Variants in PIK3R6 observed in about 807,000 individuals in gnomAD.
PIK3R6 encodes phosphoinositide 3-kinase regulatory subunit 6.
PIK3R6 carries 91 observed loss-of-function variants against 84.9 expected under a neutral mutation model. The observed-to-expected ratio is 1.07, with a 90% CI of 0.90 to 1.28. The LOEUF (loss-of-function observed/expected upper bound fraction) is 1.28. Ranked by LOEUF, PIK3R6 falls within the 50% of genes most tolerant of loss-of-function variation. PIK3R6 has a pLI of 0.00. For synonymous variants in PIK3R6, 416 were observed against 411.4 expected (o/e 1.01, Z -0.13); for missense variants, 996 against 985.1 (o/e 1.01, Z -0.15).
intron 1 of PIK3R6, among the ~76,000 whole-genome samples, chr17:8,854,219 G>A (rs1207343567): frequency 1.3e-5 from 2 of 151,778 alleles, no homozygotes; most frequent in East Asian, 3.9e-4. Context: ...CGTGATCTTG[G>A]CTCACTGCAA....
At chr17:8,823,588 C>A in intron 13 of PIK3R6, 91 bp from the exon 14 acceptor site, 2 of 873,172 alleles carry the variant, frequency 2.3e-6, no homozygotes, top group East Asian at 5.3e-5. Context: ...CAAGCCCCTA[C>A]ATCTCTGGGA....
chr17:8,826,448 TA>T (rs879846682), intron 13 of PIK3R6, among the ~76,000 whole-genome samples: 18 of 152,066 alleles, frequency 1.2e-4, no homozygotes, highest in African/African-American at 2.4e-4. Flanking sequence ...TATGCAGCCA[TA>T]AAAAAAGAGT....
intron 1 of PIK3R6, among the ~76,000 whole-genome samples, chr17:8,861,529 C>G (rs1469235552): frequency 6.6e-6 from 1 of 152,160 alleles, no homozygotes; most frequent in African/African-American, 2.4e-5. Context: ...TTCTGAGGAG[C>G]ATGATGAAAC....
Position 8,833,541 on chromosome 17 carries a change from C to CTTT in PIK3R6, c.646-499_646-497dup, listed in dbSNP as rs3884448. 1.7e-3 allele frequency among the ~76,000 whole-genome samples: 224 copies of CTTT among 130,772 alleles called. 8 individuals are homozygous for CTTT. Among genetic ancestry groups the CTTT allele is most frequent in the East Asian group, 3.0e-3 (14 of 4,664 alleles). 85.8% of individuals were successfully genotyped at this position (130,772 alleles called of 152,430 possible). On this transcript the variant is annotated intron_variant, in intron 8 of 19. Transcript: ENST00000619866. ...TGGGAAGCCCCCCCTGAGAAAGTGA[C>CTTT]TTTTTTTTTTTTTTTTTTGAGACGG...
chr17:8,856,994 C>T (rs776500066), intron 1 of PIK3R6, among the ~76,000 whole-genome samples: 33 of 69,042 alleles, frequency 4.8e-4, no homozygotes, highest in South Asian at 8.2e-4. Flanking sequence ...CACCCTTCCC[C>T]CAGCTTTCCC....
At chr17:8,822,215 C>T (rs1336006997) in intron 16 of PIK3R6, among the ~76,000 whole-genome samples, 3 of 151,954 alleles carry the variant, frequency 2.0e-5, no homozygotes, top group Non-Finnish European at 2.9e-5. Flanking sequence ...CACTAAGGTC[C>T]CATAAGTGCT....
chr17:8,827,360 C>T, intron 12 of PIK3R6, 66 bp from the exon 13 acceptor site: 3 of 1,509,688 alleles, frequency 2.0e-6, no homozygotes, highest in Non-Finnish European at 2.7e-6. Flanking sequence ...CAGCTGCCAT[C>T]AGCCTAGGCT....
rs753432049 is a variant in PIK3R6 at position 8,835,322 on chromosome 17, G to A, written c.596C>T (p.Ala199Val). The A allele has an allele frequency of 1.2e-5, 19 of 1,603,268 alleles. No individual in the cohort carries two copies. The highest frequency in any genetic ancestry group is 9.0e-5 in the East Asian group (4 of 44,668). Reference sequence around the variant, plus strand: ...TGCGTGACAGGCCTCCCCCAGAGCCGCCTGCAGGGCGTGGGAGACCACGTG... The same window carrying A: ...TGCGTGACAGGCCTCCCCCAGAGCCACCTGCAGGGCGTGGGAGACCACGTG... ...MRHVVSHALQAALGEACHAGA... is the reference protein window; with the variant it reads ...MRHVVSHALQVALGEACHAGA... The change falls in exon 8 of 20, where the codon GCG (alanine) becomes GTG (valine). Residue 199 changes from alanine to valine, a missense_variant. By Grantham distance (64) the Ala-to-Val change is moderately conservative. Transcript: ENST00000619866.
At chr17:8,833,971 A>G (rs1427223660) in intron 8 of PIK3R6, among the ~76,000 whole-genome samples, 5 of 151,670 alleles carry the variant, frequency 3.3e-5, no homozygotes, top group Non-Finnish European at 7.4e-5. Context: ...GATGGAGACC[A>G]CGGTGAAACC....
chr17:8,849,658 G>T, intron 2 of PIK3R6, 124 bp downstream of exon 2: 1 of 1,098,386 alleles, frequency 9.1e-7, no homozygotes. Context: ...TCCCTGAATT[G>T]GGGTCTTGCA....
At chr17:8,855,013 T>G (rs1275128612) in intron 1 of PIK3R6, among the ~76,000 whole-genome samples, 1 of 152,104 alleles carries the variant, frequency 6.6e-6, no homozygotes, top group Non-Finnish European at 1.5e-5. Context: ...GCCAATATAG[T>G]GAAACCCCAT....
chr17:8,857,257 A>G (rs1036528142), intron 1 of PIK3R6, among the ~76,000 whole-genome samples: 76 of 152,314 alleles, frequency 5.0e-4, no homozygotes, highest in African/African-American at 1.8e-3. Flanking sequence ...CATCTAGGGC[A>G]GCAGCCACTC....
In PIK3R6 at chr17:8,862,721, C is replaced by T. The variant is rs1256524411; in HGVS notation, c.-92+4808G>A. ...CATGTCAGGGCTCATCTAAAAATTCCTCTCCCTCCCCCCGTAGCGCAAGAA... is the reference window on the plus strand; with the variant it reads ...CATGTCAGGGCTCATCTAAAAATTCTTCTCCCTCCCCCCGTAGCGCAAGAA... On this transcript the variant is annotated intron_variant, in intron 1 of 19. Coordinates refer to ENST00000619866, the MANE Select transcript of PIK3R6 (RefSeq NM_001010855.4). This position sits in a 1 kb window ranked among gnomAD's most constrained non-coding sequence, Gnocchi z 4.3. Among the ~76,000 whole-genome samples, 1 of 152,068 alleles carries T rather than the reference C, an allele frequency of 6.6e-6. No homozygotes were observed. Among genetic ancestry groups the T allele is most frequent in the Non-Finnish European group, 1.5e-5 (1 of 68,020 alleles).
intron 16 of PIK3R6, 104 bp from the exon 17 acceptor site, chr17:8,822,040 T>G: frequency 2.7e-6 from 2 of 751,952 alleles, no homozygotes; most frequent in Admixed American, 2.9e-5. Flanking sequence ...TTTCCACCCC[T>G]GCTGTGAGAG....
chr17:8,856,428 C>T lies in PIK3R6; in HGVS notation c.-91-6543G>A, dbSNP rs568347891. The stretch of plus-strand genomic sequence containing the variant: ...ACCAGGCTGGCCAAAATGGTGGAAC[C>T]ACGTCTCTAATAAAAATACAAAAAT... On this transcript the variant is annotated intron_variant, in intron 1 of 19. Transcript: ENST00000619866. Among the ~76,000 whole-genome samples, 215 of 152,268 alleles carry T rather than the reference C, an allele frequency of 1.4e-3. 1 individual carries two copies. Among genetic ancestry groups the T allele is most frequent in the Non-Finnish European group, 2.5e-3 (171 of 68,020 alleles).
chr17:8,838,688 C>G, intron 3 of PIK3R6, 33 bp from the exon 4 acceptor site: 1 of 1,552,760 alleles, frequency 6.4e-7, no homozygotes. Flanking sequence ...CCGGCATGAG[C>G]AGGTGGGCAG....
Position 8,839,489 on chromosome 17 carries a change from G to T in PIK3R6, c.97+125C>A. Reference sequence around the variant, plus strand: ...TCTAGGTATTTCCAGCAGGAAAGGGGTTTGGTGAGACGACCCTTGCCCCCT... The same window carrying T: ...TCTAGGTATTTCCAGCAGGAAAGGGTTTTGGTGAGACGACCCTTGCCCCCT... On this transcript the variant is annotated intron_variant, in intron 3 of 19. Coordinates refer to ENST00000619866, the MANE Select transcript of PIK3R6 (RefSeq NM_001010855.4). This position sits in a 1 kb window ranked among gnomAD's most constrained non-coding sequence, Gnocchi z 4.2. 1 of 671,614 alleles carries T rather than the reference G, an allele frequency of 1.5e-6. No individual in the cohort carries two copies. The highest frequency in any genetic ancestry group is 2.1e-5 in the South Asian group (1 of 48,120). 41.6% of individuals were successfully genotyped at this position (671,614 alleles called of 1,614,324 possible). A position where few individuals can be genotyped will look rare whatever the true frequency, so the allele number is the denominator to read the frequency against.
intron 18 of PIK3R6, among the ~76,000 whole-genome samples, chr17:8,813,797 C>T (rs535502272): frequency 6.6e-6 from 1 of 152,298 alleles, no homozygotes; most frequent in South Asian, 2.1e-4. Context: ...CCACAGTCAA[C>T]ATCACACTGA....
chr17:8,828,545 A>C (rs2151232374), intron 11 of PIK3R6, 22 bp downstream of exon 11: 2 of 1,607,730 alleles, frequency 1.2e-6, no homozygotes, highest in Non-Finnish European at 1.7e-6. Flanking sequence ...GCCCACCCCC[A>C]GCCCCCACGT....
Sources: gnomAD v4.1 joint callset for allele counts (sites outside exome capture counted in the v4.1 genomes callset) on GRCh38, gnomAD v4.1.1 for gene constraint, Gnocchi (gnomAD v3.1) non-coding constraint, MANE v1.5 for transcripts, NCBI Gene and HGNC (gene_info 2026-07-23, HGNC 2026-07-21) for gene names.